The following GREB1L variants were observed in gnomAD, a reference collection of about 807,000 sequenced individuals.
GREB1L encodes GREB1 like retinoic acid receptor coactivator, also known as GREB1-like protein.
A neutral mutation model predicts 200.8 loss-of-function variants in GREB1L; 17 were observed. That is an observed-to-expected ratio of 0.08 (90% CI 0.06 to 0.13). GREB1L has a LOEUF of 0.13. Ranked by LOEUF, GREB1L falls within the 10% of genes least tolerant of loss-of-function variation. The pLI, the probability that GREB1L is intolerant of heterozygous loss-of-function variation, is 1.00. For synonymous variants in GREB1L, 789 were observed against 893.0 expected, an observed-to-expected ratio of 0.88 and a Z score of 2.08; for missense variants, 1,657 against 2,367.7, an observed-to-expected ratio of 0.70 and a Z score of 6.23.
In GREB1L at chr18:21,313,441, G is replaced by A. The variant is rs140040876; in HGVS notation, c.-119-52586G>A. 7.3e-3 allele frequency among the ~76,000 whole-genome samples: 1,118 copies of A among 152,196 alleles called. 20 individuals carry two copies. Among genetic ancestry groups the A allele is most frequent in the African/African-American group, 0.025 (1,042 of 41,518 alleles). ...CCTCATTTAATCCTTAAGACAACCT[G>A]GCAAGGTCACTGGTATTGTCAGCAT... On this transcript the variant is annotated intron_variant, in intron 1 of 32. Transcript: ENST00000424526.
At chr18:21,467,974 G>A (rs1379745082) in intron 15 of GREB1L, among the ~76,000 whole-genome samples, 9 of 148,934 alleles carry the variant, frequency 6.0e-5, no homozygotes, top group African/African-American at 2.0e-4. Flanking sequence ...ACAGTGAGCC[G>A]AGATCATGCC....
intron 1 of GREB1L, among the ~76,000 whole-genome samples, chr18:21,334,937 GA>G (rs2039162688): frequency 6.6e-6 from 1 of 152,154 alleles, no homozygotes; most frequent in African/African-American, 2.4e-5. Flanking sequence ...GCCAGTTACA[GA>G]AAATGTTTCT....
At chr18:21,311,559 TC>T (rs2038790684) in intron 1 of GREB1L, among the ~76,000 whole-genome samples, 1 of 152,202 alleles carries the variant, frequency 6.6e-6, no homozygotes, top group South Asian at 2.1e-4. Context: ...CACCCGTCCA[TC>T]TGCCTACTCA....
intron 17 of GREB1L, among the ~76,000 whole-genome samples, chr18:21,479,433 C>A (rs2035836717): frequency 6.6e-6 from 1 of 152,068 alleles, no homozygotes; most frequent in Non-Finnish European, 1.5e-5. Flanking sequence ...AATCCCAGCA[C>A]TTAGGGAGGC....
chr18:21,267,963 T>C (rs1598616511), intron 1 of GREB1L, among the ~76,000 whole-genome samples: 1 of 152,118 alleles, frequency 6.6e-6, no homozygotes, highest in African/African-American at 2.4e-5. Context: ...AGTGAGGAGA[T>C]TTCCAGATAT....
At chr18:21,397,358 C>A (rs1200123474) in intron 5 of GREB1L, among the ~76,000 whole-genome samples, 13 of 151,452 alleles carry the variant, frequency 8.6e-5, no homozygotes, top group East Asian at 1.9e-4. Flanking sequence ...CTAAAAAAAA[C>A]CCCGTCTCTA....
chr18:21,515,760 T>G, intron 29 of GREB1L, 116 bp downstream of exon 29: 1 of 771,814 alleles, frequency 1.3e-6, no homozygotes, highest in South Asian at 1.8e-5. Context: ...TGACTCTTTA[T>G]GTGGGCAAGG....
chr18:21,469,509 G>A (rs2035398123), intron 15 of GREB1L, among the ~76,000 whole-genome samples: 1 of 152,016 alleles, frequency 6.6e-6, no homozygotes, highest in African/African-American at 2.4e-5. Flanking sequence ...CTCAACACTG[G>A]GATTAACCTT....
chr18:21,493,865 CAAAAAA>C (rs35758360), intron 19 of GREB1L, among the ~76,000 whole-genome samples: 11 of 38,510 alleles, frequency 2.9e-4, no homozygotes, highest in Admixed American at 5.5e-4. Context: ...GACCCTGTCT[CAAAAAA>C]AAAAAAAAAA....
intron 1 of GREB1L, among the ~76,000 whole-genome samples, chr18:21,301,627 T>C (rs2038618544): frequency 6.6e-6 from 1 of 152,204 alleles, no homozygotes; most frequent in Non-Finnish European, 1.5e-5. Context: ...CCATCTTTCC[T>C]AAGGAAACTC....
intron 1 of GREB1L, among the ~76,000 whole-genome samples, chr18:21,282,648 G>T (rs1422040700): frequency 1.3e-5 from 2 of 151,598 alleles, no homozygotes; most frequent in African/African-American, 4.9e-5. Context: ...CACCCAGGAT[G>T]CAGTGCAGTG....
intron 1 of GREB1L, among the ~76,000 whole-genome samples, chr18:21,357,223 T>C (rs1189447481): frequency 6.6e-6 from 1 of 152,158 alleles, no homozygotes; most frequent in East Asian, 1.9e-4. Flanking sequence ...TCTGGTTATT[T>C]TTGTATTTTT....
chr18:21,479,556 A>G (rs2035840594), intron 17 of GREB1L, among the ~76,000 whole-genome samples: 3 of 151,920 alleles, frequency 2.0e-5, no homozygotes, highest in East Asian at 1.9e-4. Context: ...GCATGTGTCT[A>G]TAGTCCCAGC....
At position 21,451,124 on chromosome 18, in the gene GREB1L, G is replaced by A. The variant is rs951324684; in HGVS notation, c.1822G>A (p.Ala608Thr). ...ELITGKVSFL[A>T]SHFKTTSLGD... ...TATCACAGGAAAGGTCAGTTTCCTGGCATCACATTTCAAAACCACATCATT... is the reference window on the plus strand; with the variant it reads ...TATCACAGGAAAGGTCAGTTTCCTGACATCACATTTCAAAACCACATCATT... The change falls in exon 13 of 33, where the codon GCA (alanine) becomes ACA (threonine). Residue 608 changes from alanine to threonine, a missense_variant. By Grantham distance (58) the Ala-to-Thr change is moderately conservative. This residue lies in a region of GREB1L where 239 missense variants were observed against 421.8 expected (regional missense o/e 0.57). Coordinates refer to ENST00000424526, the MANE Select transcript of GREB1L (RefSeq NM_001142966.3). 1 of 1,551,572 alleles carries A rather than the reference G, an allele frequency of 6.4e-7. No homozygotes were observed. Among genetic ancestry groups the A allele is most frequent in the Non-Finnish European group, 8.7e-7 (1 of 1,146,868 alleles).
At chr18:21,393,470 G>A (rs2040912525) in intron 4 of GREB1L, among the ~76,000 whole-genome samples, 1 of 151,454 alleles carries the variant, frequency 6.6e-6, no homozygotes, top group South Asian at 2.1e-4. Context: ...CTAATTTGTT[G>A]TTGTTGTTGT....
At position 21,258,267 on chromosome 18, in the gene GREB1L, A is replaced by T. The variant is rs542752810; in HGVS notation, c.-120+15874A>T. Reference sequence around the variant, plus strand: ...GCCATATTTTTGGGTAACAGGCTGTACAAGGCTCAATTTTGGTTGGCAAGG... The same window carrying T: ...GCCATATTTTTGGGTAACAGGCTGTTCAAGGCTCAATTTTGGTTGGCAAGG... On this transcript the variant is annotated intron_variant, in intron 1 of 32. Transcript: ENST00000424526. Among the ~76,000 whole-genome samples the T allele has an allele frequency of 5.3e-5, 8 of 152,318 alleles. No individual in the cohort carries two copies. The South Asian group carries it at 1.7e-3, about 32-fold the overall frequency.
chr18:21,290,068 G>C (rs763618449), intron 1 of GREB1L, among the ~76,000 whole-genome samples: 2 of 152,202 alleles, frequency 1.3e-5, no homozygotes, highest in African/African-American at 4.8e-5. Context: ...ATGCTATGCT[G>C]TTACTTGGCT....
chr18:21,517,824 T>TC (rs1311044560), intron 30 of GREB1L, among the ~76,000 whole-genome samples: 1 of 152,198 alleles, frequency 6.6e-6, no homozygotes, highest in African/African-American at 2.4e-5. Context: ...TCTTCTGCCC[T>TC]CGCTGTGTGT....
At chr18:21,466,088 T>TC (rs2035252710) in intron 15 of GREB1L, among the ~76,000 whole-genome samples, 1 of 152,190 alleles carries the variant, frequency 6.6e-6, no homozygotes, top group African/African-American at 2.4e-5. Flanking sequence ...TAATGTTACG[T>TC]CCCTGAAGTT....
Sources: gnomAD v4.1 joint callset for allele counts (sites outside exome capture counted in the v4.1 genomes callset) on GRCh38, gnomAD v4.1.1 for gene constraint, gnomAD v4.1.1 regional missense constraint, MANE v1.5 for transcripts, NCBI Gene and HGNC (gene_info 2026-07-23, HGNC 2026-07-21) for gene names.